The following ZBTB7C variants were observed in gnomAD, a reference collection of about 807,000 sequenced individuals.
ZBTB7C encodes zinc finger and BTB domain-containing protein 7C.
In ZBTB7C, 8 loss-of-function variants were observed where a neutral mutation model predicts 25.7. The observed-to-expected ratio is 0.31, with a 90% CI of 0.18 to 0.56. ZBTB7C has a LOEUF of 0.56. Ranked by LOEUF, ZBTB7C falls within the 20% of genes least tolerant of loss-of-function variation. The pLI is 0.91. For synonymous variants in ZBTB7C, 394 were observed against 369.0 expected (o/e 1.07, Z -0.78); for missense variants, 824 against 855.2 (o/e 0.96, Z 0.46).
chr18:48,096,641 G>C (rs1218157484), intron 3 of ZBTB7C, among the ~76,000 whole-genome samples: 1 of 152,158 alleles, frequency 6.6e-6, no homozygotes, highest in Non-Finnish European at 1.5e-5. Flanking sequence ...GGAGTCACAG[G>C]GGGAGGGGAC....
chr18:48,310,330 T>C (rs2045785139), intron 2 of ZBTB7C, among the ~76,000 whole-genome samples: 1 of 152,000 alleles, frequency 6.6e-6, no homozygotes. Flanking sequence ...TTCTCGTCTC[T>C]CCTGAGTAAG....
chr18:48,137,084 G>A (rs2040194839), intron 3 of ZBTB7C: 10 of 985,458 alleles, frequency 1.0e-5, no homozygotes, highest in Non-Finnish European at 1.1e-5. Context: ...GGGAATCCAC[G>A]CGGCCGCGCT....
intron 2 of ZBTB7C, among the ~76,000 whole-genome samples, chr18:48,330,243 G>A (rs1186115327): frequency 2.0e-5 from 3 of 152,194 alleles, no homozygotes; most frequent in African/African-American, 7.2e-5. Flanking sequence ...AGGGCACCTG[G>A]GCACGGAATG....
intron 3 of ZBTB7C, among the ~76,000 whole-genome samples, chr18:48,140,368 G>C (rs1461465248): frequency 6.6e-6 from 1 of 152,236 alleles, no homozygotes; most frequent in African/African-American, 2.4e-5. Context: ...CCACGCTGTG[G>C]GGTAGATCTT....
chr18:48,392,140 G>A (rs2047917390), intron 1 of ZBTB7C, among the ~76,000 whole-genome samples: 1 of 152,182 alleles, frequency 6.6e-6, no homozygotes, highest in Non-Finnish European at 1.5e-5. Context: ...TCCCAGCAGG[G>A]TGAATTCTCT....
At chr18:48,237,091 G>C (rs1382016056) in intron 2 of ZBTB7C, among the ~76,000 whole-genome samples, 3 of 152,146 alleles carry the variant, frequency 2.0e-5, no homozygotes, top group Non-Finnish European at 4.4e-5. Flanking sequence ...GCTGTCCGGA[G>C]CAGACAGTGG....
At chr18:48,143,723 C>T (rs1460268211) in intron 3 of ZBTB7C, among the ~76,000 whole-genome samples, 1 of 152,208 alleles carries the variant, frequency 6.6e-6, no homozygotes, top group Non-Finnish European at 1.5e-5. Context: ...AAGAATCCCC[C>T]ATCCCTTGAT....
chr18:48,349,122 G>T (rs2046806509), intron 1 of ZBTB7C, among the ~76,000 whole-genome samples: 1 of 152,204 alleles, frequency 6.6e-6, no homozygotes, highest in Admixed American at 6.5e-5. Context: ...GCTGGCTGGT[G>T]GCTGGCAGGA....
chr18:48,134,412 A>G (rs1245775408), intron 3 of ZBTB7C, among the ~76,000 whole-genome samples: 1 of 152,082 alleles, frequency 6.6e-6, no homozygotes, highest in Admixed American at 6.5e-5. Flanking sequence ...AAAACGAAGG[A>G]GGACAGGATT....
intron 1 of ZBTB7C, among the ~76,000 whole-genome samples, chr18:48,383,028 A>C (rs909862046): frequency 7.9e-5 from 12 of 152,078 alleles, no homozygotes; most frequent in African/African-American, 2.7e-4. Flanking sequence ...CCACATGTGA[A>C]TTTTCATTTA....
intron 2 of ZBTB7C, among the ~76,000 whole-genome samples, chr18:48,292,892 C>T (rs982324562): frequency 1.3e-5 from 2 of 152,192 alleles, no homozygotes; most frequent in African/African-American, 4.8e-5. Flanking sequence ...ACTATTACTG[C>T]TGCTGCTATT....
At chr18:48,306,622 A>T (rs927171411) in intron 2 of ZBTB7C, among the ~76,000 whole-genome samples, 1 of 152,164 alleles carries the variant, frequency 6.6e-6, no homozygotes, top group African/African-American at 2.4e-5. Flanking sequence ...ATAGCTGTCA[A>T]TCATCTGTCC....
At chr18:48,166,193 A>G (rs984842169) in intron 3 of ZBTB7C, among the ~76,000 whole-genome samples, 5 of 85,168 alleles carry the variant, frequency 5.9e-5, no homozygotes, top group Non-Finnish European at 1.2e-4. Flanking sequence ...AGACTTTTTC[A>G]TCAACCCAAA....
chr18:48,140,287 A>G (rs2040300676), intron 3 of ZBTB7C, among the ~76,000 whole-genome samples: 1 of 152,370 alleles, frequency 6.6e-6, no homozygotes, highest in South Asian at 2.1e-4. Context: ...AGGCAGACAC[A>G]TGTATGAGCT....
chr18:48,278,165 C>T (rs1417457760), intron 2 of ZBTB7C, among the ~76,000 whole-genome samples: 2 of 152,330 alleles, frequency 1.3e-5, no homozygotes, highest in African/African-American at 2.4e-5. Flanking sequence ...CGTGATCTTG[C>T]AGCTTCCACT....
chr18:48,402,600 T>A (rs2048185946), intron 1 of ZBTB7C, among the ~76,000 whole-genome samples: 1 of 152,208 alleles, frequency 6.6e-6, no homozygotes, highest in Admixed American at 6.5e-5. Flanking sequence ...TTCTTCTAAG[T>A]GTCAGTGATT....
chr18:48,037,663 C>T (rs141472460), intron 4 of ZBTB7C, among the ~76,000 whole-genome samples: 3 of 152,290 alleles, frequency 2.0e-5, no homozygotes, highest in East Asian at 3.9e-4. Context: ...GCAGGGCCAC[C>T]GTGCGATATC....
chr18:48,327,036 G>C (rs2046235920), intron 2 of ZBTB7C, among the ~76,000 whole-genome samples: 1 of 152,162 alleles, frequency 6.6e-6, no homozygotes, highest in Admixed American at 6.5e-5. Flanking sequence ...CCTCACATCA[G>C]CCCAGAAAGT....
chr18:48,238,557 G>C (rs934130728), intron 2 of ZBTB7C, among the ~76,000 whole-genome samples: 5 of 152,160 alleles, frequency 3.3e-5, no homozygotes, highest in African/African-American at 1.2e-4. Context: ...ACCTTACCTA[G>C]AGCTGAAATA....
Sources: allele counts gnomAD v4.1 joint callset (sites outside exome capture counted in the v4.1 genomes callset), GRCh38; gene constraint gnomAD v4.1.1; transcripts MANE v1.5; gene names NCBI Gene and HGNC (gene_info 2026-07-23, HGNC 2026-07-21).